The following LRRN1 variants were observed in gnomAD, a reference collection of about 807,000 sequenced individuals.
LRRN1 encodes the protein leucine rich repeat neuronal 1.
In LRRN1, 14 loss-of-function variants were observed where a neutral mutation model predicts 45.8. The ratio of observed to expected loss-of-function variants is 0.31; its 90% CI spans 0.20 to 0.48. The LOEUF (loss-of-function observed/expected upper bound fraction) is 0.48. Ranked by LOEUF, LRRN1 falls within the 20% of genes least tolerant of loss-of-function variation. The probability of loss-of-function intolerance (pLI) is 0.99; values close to 1 mark genes in which losing one functional copy is unlikely to be tolerated. For synonymous variants in LRRN1, 359 were observed against 330.1 expected, an observed-to-expected ratio of 1.09 and a Z score of -0.95; for missense variants, 789 against 874.2, an observed-to-expected ratio of 0.90 and a Z score of 1.23.
chr3:3,801,702 A>C (rs954726115), intron 1 of LRRN1, among the ~76,000 whole-genome samples: 1 of 152,204 alleles, frequency 6.6e-6, no homozygotes, highest in Non-Finnish European at 1.5e-5. Flanking sequence ...GTTTGCTGAC[A>C]CCTTTATTCA....
At chr3:3,839,637 A>G (rs1408258895) in intron 1 of LRRN1, among the ~76,000 whole-genome samples, 6 of 152,120 alleles carry the variant, frequency 3.9e-5, no homozygotes, top group African/African-American at 7.2e-5. Context: ...CATTGTGTTT[A>G]TATCATCTTT....
Position 3,845,349 on chromosome 3 carries a change from G to C in LRRN1, c.708G>C (p.Val236=), listed in dbSNP as rs763186078. The change falls in exon 2 of 2, where the codon GTG becomes GTC. Residue 236 remains valine, a synonymous_variant. Transcript: ENST00000319331. The surrounding 1 kb of genome is among the most constrained non-coding windows in gnomAD (Gnocchi z 6.5). ...CTGATATTCCTGGAAATGCTTTGGT[G>C]GGTCTGGATAGCCTTGAGAGCCTGT... ...YLTDIPGNAL[V]GLDSLESLSF... The C allele has an allele frequency of 6.2e-7, 1 of 1,613,986 alleles. No homozygotes were observed. Among genetic ancestry groups the C allele is most frequent in the Non-Finnish European group, 8.5e-7 (1 of 1,180,012 alleles).
chr3:3,800,978 G>A (rs970739472), intron 1 of LRRN1: 75 of 152,510 alleles, frequency 4.9e-4, no homozygotes, highest in African/African-American at 1.8e-3. Flanking sequence ...GTCCCTGCCT[G>A]GCAAGCTGGG....
At position 3,800,095 on chromosome 3, in the gene LRRN1, G is replaced by C. The variant is rs190327838; in HGVS notation, c.-279+176G>C. Among the ~76,000 whole-genome samples the C allele has an allele frequency of 9.8e-3, 1,466 of 150,352 alleles. 30 individuals are homozygous for C. The highest frequency in any genetic ancestry group is 0.034 in the African/African-American group (1,376 of 40,790). Reference sequence around the variant, plus strand: ...CGGAGCTGGGGAAAATGACGAAGTCGGGAAACGAGAATATAGTGCCCCGTT... The same window carrying C: ...CGGAGCTGGGGAAAATGACGAAGTCCGGAAACGAGAATATAGTGCCCCGTT... On this transcript the variant is annotated intron_variant, in intron 1 of 1. Coordinates refer to ENST00000319331, the MANE Select transcript of LRRN1 (RefSeq NM_020873.7).
In LRRN1 at chr3:3,845,006, C is replaced by T; in HGVS notation, c.365C>T (p.Thr122Ile). 6.2e-7 allele frequency: 1 copy of T among 1,614,100 alleles called. No individual in the cohort carries two copies. The highest frequency in any genetic ancestry group is 8.5e-7 in the Non-Finnish European group (1 of 1,180,006). ...GGGCTGGCAAACCTAACCCAGCTCA[C>T]AACGCTGCATTTGGAGGAAAATCAG... is the stretch of plus-strand genomic sequence containing the variant. Reference protein sequence around the residue: ...EVGLANLTQLTTLHLEENQIT... With the variant: ...EVGLANLTQLITLHLEENQIT... Residue 122 changes from threonine (T) to isoleucine (I), a missense_variant, in exon 2 of 2, where the codon ACA becomes ATA. Physicochemically the swap from Thr to Ile is moderately conservative, Grantham distance 89. Transcript: ENST00000319331. This position sits in a 1 kb window ranked among gnomAD's most constrained non-coding sequence, Gnocchi z 6.5.
At chr3:3,835,902 GTT>G (rs949175434) in intron 1 of LRRN1, among the ~76,000 whole-genome samples, 10 of 151,624 alleles carry the variant, frequency 6.6e-5, no homozygotes, top group African/African-American at 9.7e-5. Flanking sequence ...ATGTATAATT[GTT>G]TGTGGGACTC....
chr3:3,834,704 C>G (rs1284774432), intron 1 of LRRN1, among the ~76,000 whole-genome samples: 1 of 151,014 alleles, frequency 6.6e-6, no homozygotes, highest in Non-Finnish European at 1.5e-5. Context: ...GAGAACCAGT[C>G]TGAGTCCTAA....
intron 1 of LRRN1, among the ~76,000 whole-genome samples, chr3:3,811,970 C>A (rs1692879929): frequency 6.6e-6 from 1 of 152,180 alleles, no homozygotes; most frequent in South Asian, 2.1e-4. Context: ...TTAAAAGACT[C>A]AATTTATTGA....
chr3:3,847,330 G>T lies in LRRN1; in HGVS notation c.*538G>T, dbSNP rs116619315. 2,451 of 165,870 alleles carry T rather than the reference G, an allele frequency of 0.015. 29 individuals are homozygous for T. Among genetic ancestry groups the T allele is most frequent in the South Asian group, 0.058 (278 of 4,792 alleles). The allele number at this position is 165,870 out of a possible 1,614,324, so 10.3% of individuals were successfully genotyped here. A position where few individuals can be genotyped will look rare whatever the true frequency, so the allele number is the denominator to read the frequency against. ...TGTTAGTTGACTGTACTGTAATGTT[G>T]TATCAACTGAATTGAATGTTTGCCT... On this transcript the variant is annotated 3_prime_UTR_variant, in exon 2 of 2. Transcript: ENST00000319331.
chr3:3,846,119 A>G lies in LRRN1; in HGVS notation c.1478A>G (p.Asp493Gly). 6.2e-7 allele frequency: 1 copy of G among 1,614,038 alleles called. No homozygotes were observed. The highest frequency in any genetic ancestry group is 1.1e-5 in the South Asian group (1 of 91,080). Residue 493 changes from aspartate to glycine, a missense_variant, in exon 2 of 2, where the codon GAC (aspartate) becomes GGC (glycine). By Grantham distance (94) the Asp-to-Gly change is moderately conservative. Coordinates refer to ENST00000319331, the MANE Select transcript of LRRN1 (RefSeq NM_020873.7). The surrounding 1 kb of genome is among the most constrained non-coding windows in gnomAD (Gnocchi z 5.7). ...GAAATATCTAACATACAAATTGAAG[A>G]CTCAGGAAGATACACATGTGTTGCC... The part of the protein sequence containing the change: ...TLEISNIQIE[D>G]SGRYTCVAQN...
At chr3:3,837,970 G>A (rs1693560582) in intron 1 of LRRN1, among the ~76,000 whole-genome samples, 1 of 152,044 alleles carries the variant, frequency 6.6e-6, no homozygotes, top group African/African-American at 2.4e-5. Flanking sequence ...CCACTTATAA[G>A]TGAGAACATG....
intron 1 of LRRN1, chr3:3,801,107 C>T (rs1692642769): frequency 6.6e-6 from 1 of 152,348 alleles, no homozygotes; most frequent in South Asian, 2.1e-4. Context: ...AGAAGGGGAC[C>T]TCGCTTGCCG....
chr3:3,831,249 T>G lies in LRRN1; in HGVS notation c.-278-13115T>G, dbSNP rs552948671. Among the ~76,000 whole-genome samples the G allele has an allele frequency of 4.1e-4, 62 of 152,312 alleles. 1 individual carries two copies. Among genetic ancestry groups the G allele is most frequent in the Non-Finnish European group, 5.3e-4 (36 of 68,002 alleles). On this transcript the variant is annotated intron_variant, in intron 1 of 1. Coordinates refer to ENST00000319331, the MANE Select transcript of LRRN1 (RefSeq NM_020873.7). ...CTAGGCATTCTGCCTCTTTCTTGGT[T>G]GTAGGAGGGGCCAAATACAGCAACT... is the stretch of plus-strand genomic sequence containing the variant.
Position 3,799,852 on chromosome 3 carries a change from T to TGCCGCCGCC in LRRN1, c.-338_-330dup, listed in dbSNP as rs200165542. The TGCCGCCGCC allele has an allele frequency of 1.3e-4, 21 of 163,566 alleles. 2 individuals are homozygous for TGCCGCCGCC. The South Asian group carries it at 2.8e-3, about 22-fold the overall frequency. 10.1% of individuals were successfully genotyped at this position (163,566 alleles called of 1,614,324 possible). On this transcript the variant is annotated 5_prime_UTR_variant, in exon 1 of 2. Coordinates refer to ENST00000319331, the MANE Select transcript of LRRN1 (RefSeq NM_020873.7). ...GTCTTTCTCCTCCTCCTGCTGCTGC[T>TGCCGCCGCC]GCCGCCGCCGCCGCCGTGGGTGCCG...
rs190598278 is a variant in LRRN1, at chr3:3,838,845, C to T, written c.-278-5519C>T. On this transcript the variant is annotated intron_variant, in intron 1 of 1. Coordinates refer to ENST00000319331, the MANE Select transcript of LRRN1 (RefSeq NM_020873.7). ...CTTTGGAGAATTGTCTATTTAAGCC[C>T]TTCACCCATTTTTTAATAAGGTTAT... is the stretch of plus-strand genomic sequence containing the variant. Among the ~76,000 whole-genome samples the T allele has an allele frequency of 3.0e-4, 45 of 152,112 alleles. 1 individual carries two copies. The East Asian group carries it at 8.1e-3, about 27-fold the overall frequency.
intron 1 of LRRN1, among the ~76,000 whole-genome samples, chr3:3,804,747 A>C (rs901029566): frequency 1.4e-4 from 22 of 151,850 alleles, no homozygotes; most frequent in Non-Finnish European, 2.2e-4. Context: ...TGAAACAGAC[A>C]CACTGGTGGC....
chr3:3,844,978 G>T lies in LRRN1; in HGVS notation c.337G>T (p.Val113Phe). 1 of 1,614,094 alleles carries T rather than the reference G, an allele frequency of 6.2e-7. No homozygotes were observed. The highest frequency in any genetic ancestry group is 8.5e-7 in the Non-Finnish European group (1 of 1,180,020). Residue 113 changes from valine to phenylalanine, a missense_variant, in exon 2 of 2, where the codon GTC (valine) becomes TTC (phenylalanine). Val to Phe is a conservative substitution (Grantham distance 50). Transcript: ENST00000319331. ...SQNNFTNIKE[V>F]GLANLTQLTT... ...AAACAACTTTACTAACATTAAGGAG[G>T]TCGGGCTGGCAAACCTAACCCAGCT...
At chr3:3,809,730 A>T (rs142350969) in intron 1 of LRRN1, among the ~76,000 whole-genome samples, 1 of 152,200 alleles carries the variant, frequency 6.6e-6, no homozygotes, top group East Asian at 1.9e-4. Context: ...CAGTATCTAC[A>T]TCTGCAAAAT....
chr3:3,821,641 A>G lies in LRRN1; in HGVS notation c.-279+21722A>G, dbSNP rs377531528. 6.6e-5 allele frequency among the ~76,000 whole-genome samples: 10 copies of G among 152,278 alleles called. No homozygotes were observed. In the East Asian group the frequency reaches 1.7e-3, roughly 26 times the overall value. ...GGATCTCTTTTGCCTTTCAACTGAC[A>G]CTAGATTTCATCAGAGTCTAGAGAA... On this transcript the variant is annotated intron_variant, in intron 1 of 1. Coordinates refer to ENST00000319331, the MANE Select transcript of LRRN1 (RefSeq NM_020873.7).
Sources: gnomAD v4.1 joint callset for allele counts (sites outside exome capture counted in the v4.1 genomes callset) on GRCh38, gnomAD v4.1.1 for gene constraint, Gnocchi (gnomAD v3.1) non-coding constraint, MANE v1.5 for transcripts, NCBI Gene and HGNC (gene_info 2026-07-23, HGNC 2026-07-21) for gene names.